VAMP2: variants seen among roughly 807,000 people sequenced by gnomAD.
The protein encoded by VAMP2 is vesicle-associated membrane protein 2.
For missense variants in VAMP2, 95 were observed against 151.3 expected (o/e 0.63, Z 1.95); for synonymous variants, 67 against 57.3 (o/e 1.17, Z -0.76).
At chr17:8,162,774 G>A (rs563948088) in intron 1 of VAMP2, 104 bp downstream of exon 1, 3 of 1,238,116 alleles carry the variant, frequency 2.4e-6, no homozygotes, top group Non-Finnish European at 3.0e-6. Context: ...TGGCCCCGGG[G>A]CGCGGGGAAC....
At position 8,160,388 on chromosome 17, in the gene VAMP2, T is replaced by TTTTTTTTTTTTTTTG. The variant is rs1567543358; in HGVS notation, c.*466_*467insCAAAAAAAAAAAAAA. The TTTTTTTTTTTTTTTG allele has an allele frequency of 7.9e-6, 1 of 126,798 alleles. No individual in the cohort carries two copies. The highest frequency in any genetic ancestry group is 1.7e-5 in the Non-Finnish European group (1 of 59,510). 7.9% of individuals were successfully genotyped at this position (126,798 alleles called of 1,614,324 possible). A position where few individuals can be genotyped will look rare whatever the true frequency, so the allele number is the denominator to read the frequency against. On this transcript the variant is annotated 3_prime_UTR_variant, in exon 5 of 5. Coordinates refer to ENST00000316509, the MANE Select transcript of VAMP2 (RefSeq NM_014232.3). ...CCTGGACAGGTGCTGTTGTTTTTTT[T>TTTTTTTTTTTTTTTG]TTTTTTTTTTTTTTTTTGAGGGCGG...
At chr17:8,162,698 G>A (rs956750373) in intron 1 of VAMP2, 180 bp downstream of exon 1, 8 of 1,319,522 alleles carry the variant, frequency 6.1e-6, no homozygotes, top group Non-Finnish European at 5.8e-6. Context: ...CGCGGCCATC[G>A]CCCGAGCCGG....
At chr17:8,161,282 T>A in intron 4 of VAMP2, 191 bp downstream of exon 4, 14 of 810,554 alleles carry the variant, frequency 1.7e-5, no homozygotes. Context: ...TTAACAAGAC[T>A]GCCAAGAACT....
At chr17:8,162,659 G>A (rs1001101161) in intron 1 of VAMP2, 11 of 1,390,016 alleles carry the variant, frequency 7.9e-6, no homozygotes, top group South Asian at 4.9e-5. Context: ...GGCGGGGAGG[G>A]GCAGGAGGAC....
At chr17:8,161,794 G>T in intron 2 of VAMP2, 28 bp from the exon 3 acceptor site, 1 of 1,603,142 alleles carries the variant, frequency 6.2e-7, no homozygotes, top group African/African-American at 1.3e-5. Flanking sequence ...GAGGCAGGGG[G>T]GTGTGCCAAG....
rs1983250705 is a variant in VAMP2, at chr17:8,160,233, AGG to A, written c.*620_*621del. On this transcript the variant is annotated 3_prime_UTR_variant, in exon 5 of 5. Coordinates refer to ENST00000316509, the MANE Select transcript of VAMP2 (RefSeq NM_014232.3). ...AGTGATGGAACAAAAAGAAATGGAAAGGGATAGCAGTATGTAATGATACGCTA... is the reference window on the plus strand; with the variant it reads ...AGTGATGGAACAAAAAGAAATGGAAAGATAGCAGTATGTAATGATACGCTA... 6.6e-6 allele frequency: 1 copy of A among 152,498 alleles called. No homozygotes were observed. Among genetic ancestry groups the A allele is most frequent in the Non-Finnish European group, 1.5e-5 (1 of 68,042 alleles). The allele number at this position is 152,498 out of a possible 1,614,324, so 9.4% of individuals were successfully genotyped here.
intron 4 of VAMP2, 145 bp from the exon 5 acceptor site, chr17:8,161,016 A>T (rs1983296927): frequency 3.0e-6 from 2 of 664,438 alleles, no homozygotes; most frequent in Non-Finnish European, 5.1e-6. Context: ...CAGTTTTTCC[A>T]TCTACAAAGC....
Position 8,161,793 on chromosome 17 carries a change from G to T in VAMP2, c.124-27C>A, listed in dbSNP as rs376745606. On this transcript the variant is annotated intron_variant, in intron 2 of 4. Transcript: ENST00000316509. ...TGGGAGAAGGGCCCACGAGGCAGGG[G>T]GGTGTGCCAAGGCCCACCTCAGTGA... 3.7e-5 allele frequency: 60 copies of T among 1,604,232 alleles called. No homozygotes were observed. In the African/African-American group the frequency reaches 7.9e-4, roughly 21 times the overall value.
chr17:8,162,012 T>G (rs2151865453), intron 2 of VAMP2, among the ~76,000 whole-genome samples: 1 of 152,300 alleles, frequency 6.6e-6, no homozygotes, highest in Non-Finnish European at 1.5e-5. Context: ...TCAGGCGCTC[T>G]GTCCATCACC....
At position 8,161,486 on chromosome 17, in the gene VAMP2, G is replaced by A. The variant is rs372255040; in HGVS notation, c.321C>T (p.Leu107=). 3 of 1,614,158 alleles carry A rather than the reference G, an allele frequency of 1.9e-6. No homozygotes were observed. Among genetic ancestry groups the A allele is most frequent in the Non-Finnish European group, 1.7e-6 (2 of 1,180,012 alleles). ...CACCCTACTCACCTATGATGATGAT[G>A]AGGATGATGGCGCAAATCACTCCCA... ...IILGVICAII[L]IIIIVYFST is the part of the protein sequence containing the mutation. Residue 107 remains leucine, a synonymous_variant, in exon 4 of 5, where the codon CTC becomes CTT. Coordinates refer to ENST00000316509, the MANE Select transcript of VAMP2 (RefSeq NM_014232.3).
At chr17:8,161,078 T>C in intron 4 of VAMP2, 2 of 559,324 alleles carry the variant, frequency 3.6e-6, no homozygotes, top group South Asian at 2.4e-5. Context: ...TGGTATGGCC[T>C]TGAAGCCACA....
rs966737192 is a variant in VAMP2, at chr17:8,160,042, G to C, written c.*813C>G. Reference sequence around the variant, plus strand: ...AAATGAGGGTAAGGGAGGCAAACTGGACTAGAGGGGCTAGGAGGAGGCAAT... The same window carrying C: ...AAATGAGGGTAAGGGAGGCAAACTGCACTAGAGGGGCTAGGAGGAGGCAAT... On this transcript the variant is annotated 3_prime_UTR_variant, in exon 5 of 5. Transcript: ENST00000316509. 1 of 152,324 alleles carries C rather than the reference G, an allele frequency of 6.6e-6. No homozygotes were observed. The highest frequency in any genetic ancestry group is 1.5e-5 in the Non-Finnish European group (1 of 68,084). 9.4% of individuals were successfully genotyped at this position (152,324 alleles called of 1,614,324 possible). A position where few individuals can be genotyped will look rare whatever the true frequency, so the allele number is the denominator to read the frequency against.
intron 2 of VAMP2, 137 bp from the exon 3 acceptor site, chr17:8,161,903 G>A: frequency 7.4e-7 from 1 of 1,353,952 alleles, no homozygotes; most frequent in East Asian, 2.4e-5. Context: ...AGGACACACA[G>A]AACATGCCTA....
In VAMP2 at chr17:8,162,348, G is replaced by A. The variant is rs528404417; in HGVS notation, c.24C>T (p.Ala8=). ...CCTCCCCAGCCGGGGCAGCAGGGGG[G>A]GCCGTGGCAGCGGTAGCAGACCTGA... MSATAAT[A]PPAAPAGEGG... Residue 8 remains alanine, a synonymous_variant, in exon 2 of 5, where the codon GCC becomes GCT. Coordinates refer to ENST00000316509, the MANE Select transcript of VAMP2 (RefSeq NM_014232.3). 8 of 1,607,140 alleles carry A rather than the reference G, an allele frequency of 5.0e-6. No homozygotes were observed. Among genetic ancestry groups the A allele is most frequent in the South Asian group, 2.2e-5 (2 of 90,462 alleles).
rs1234190944 is a variant in VAMP2, at chr17:8,162,919, T to TGGC, written c.-43_-41dup. ...GTGGAGGACTTGGCAGCGGCAGTGATGGCGGCGGCGGCTCGCGCTGGCTCC... is the reference window on the plus strand; with the variant it reads ...GTGGAGGACTTGGCAGCGGCAGTGATGGCGGCGGCGGCGGCTCGCGCTGGCTCC... On this transcript the variant is annotated 5_prime_UTR_variant, in exon 1 of 5. Coordinates refer to ENST00000316509, the MANE Select transcript of VAMP2 (RefSeq NM_014232.3). 1 of 1,206,928 alleles carries TGGC rather than the reference T, an allele frequency of 8.3e-7. No individual in the cohort carries two copies. The highest frequency in any genetic ancestry group is 1.6e-5 in the African/African-American group (1 of 63,270). 74.8% of individuals were successfully genotyped at this position (1,206,928 alleles called of 1,614,324 possible). A position where few individuals can be genotyped will look rare whatever the true frequency, so the allele number is the denominator to read the frequency against.
rs1368682706 is a variant in VAMP2, at chr17:8,162,337, G to A, written c.35C>T (p.Ala12Val). ...SATAATAPPA[A>V]PAGEGGPPAP... ...AGGGGGACCACCCTCCCCAGCCGGG[G>A]CAGCAGGGGGGGCCGTGGCAGCGGT... Residue 12 changes from alanine to valine, a missense_variant, in exon 2 of 5, where the codon GCC becomes GTC. Transcript: ENST00000316509. 2 of 1,606,142 alleles carry A rather than the reference G, an allele frequency of 1.2e-6. No individual in the cohort carries two copies. The highest frequency in any genetic ancestry group is 1.7e-6 in the Non-Finnish European group (2 of 1,177,252).
intron 4 of VAMP2, 148 bp from the exon 5 acceptor site, chr17:8,161,019 T>C: frequency 1.5e-6 from 1 of 658,354 alleles, no homozygotes; most frequent in South Asian, 1.9e-5. Context: ...TTTTTCCATC[T>C]ACAAAGCAAG....
In VAMP2 at chr17:8,159,775, C is replaced by G. The variant is rs1983235966; in HGVS notation, c.*1080G>C. The G allele has an allele frequency of 6.5e-6, 1 of 152,700 alleles. No individual in the cohort carries two copies. 9.5% of individuals were successfully genotyped at this position (152,700 alleles called of 1,614,324 possible). On this transcript the variant is annotated 3_prime_UTR_variant, in exon 5 of 5. Transcript: ENST00000316509. ...CCCCACACACACACTGGTAGCCACC[C>G]CTCTCACAAGAGATCAATTGTGGCC... is the stretch of plus-strand genomic sequence containing the variant.
chr17:8,162,138 C>T (rs1983332867), intron 2 of VAMP2, 111 bp downstream of exon 2: 1 of 1,456,978 alleles, frequency 6.9e-7, no homozygotes, highest in Non-Finnish European at 9.1e-7. Flanking sequence ...TATCTTTGTC[C>T]GCAAACCCAC....
Sources: allele counts gnomAD v4.1 joint callset (sites outside exome capture counted in the v4.1 genomes callset), GRCh38; gene constraint gnomAD v4.1.1; transcripts MANE v1.5; gene names NCBI Gene and HGNC (gene_info 2026-07-23, HGNC 2026-07-21).